Variants in ZBTB7C observed in about 807,000 individuals in gnomAD.
ZBTB7C encodes zinc finger and BTB domain-containing protein 7C.
Under a neutral mutation model 25.7 loss-of-function variants are expected in ZBTB7C, and 8 were observed. The ratio of observed to expected loss-of-function variants is 0.31; its 90% CI spans 0.18 to 0.56. The LOEUF is 0.56. Ranked by LOEUF, ZBTB7C falls within the 20% of genes least tolerant of loss-of-function variation. The probability of loss-of-function intolerance (pLI) is 0.91; values close to 1 mark genes in which losing one functional copy is unlikely to be tolerated. For missense variants in ZBTB7C, 824 were observed against 855.2 expected (o/e 0.96, Z 0.46); for synonymous variants, 394 against 369.0 (o/e 1.07, Z -0.78).
intron 1 of ZBTB7C, among the ~76,000 whole-genome samples, chr18:48,373,551 G>A (rs145280913): frequency 2.1e-3 from 316 of 152,326 alleles, no homozygotes; most frequent in African/African-American, 7.0e-3. Context: ...CCATGCTGGA[G>A]GTTGAGCCTG....
intron 1 of ZBTB7C, among the ~76,000 whole-genome samples, chr18:48,379,571 A>T (rs1028447051): frequency 6.6e-6 from 1 of 152,080 alleles, no homozygotes; most frequent in Non-Finnish European, 1.5e-5. Flanking sequence ...TTTTATCTTT[A>T]TCTAAGGTAT....
chr18:48,152,458 G>C (rs138824028), intron 3 of ZBTB7C, among the ~76,000 whole-genome samples: 2 of 152,292 alleles, frequency 1.3e-5, no homozygotes, highest in East Asian at 3.9e-4. Flanking sequence ...TCAGATAGAT[G>C]ATTGATGGAC....
intron 2 of ZBTB7C, among the ~76,000 whole-genome samples, chr18:48,236,793 A>T (rs573263309): frequency 1.3e-5 from 2 of 152,362 alleles, no homozygotes; most frequent in African/African-American, 2.4e-5. Context: ...TTCTTGATTG[A>T]AAAGTTTGGC....
intron 3 of ZBTB7C, among the ~76,000 whole-genome samples, chr18:48,076,629 G>A (rs1417272673): frequency 1.3e-5 from 2 of 152,216 alleles, no homozygotes; most frequent in East Asian, 3.8e-4. Context: ...AAGCAGAGAA[G>A]ATGCAAGAAC....
chr18:48,291,789 C>T (rs561819710), intron 2 of ZBTB7C, among the ~76,000 whole-genome samples: 33 of 152,238 alleles, frequency 2.2e-4, no homozygotes, highest in South Asian at 1.0e-3. Context: ...GTGAACACAG[C>T]AGTTAGGGGG....
chr18:48,246,098 T>C (rs1197312684), intron 2 of ZBTB7C, among the ~76,000 whole-genome samples: 3 of 152,156 alleles, frequency 2.0e-5, no homozygotes, highest in African/African-American at 7.2e-5. Context: ...AGTGTGTTTC[T>C]AGTGTGAATA....
intron 1 of ZBTB7C, among the ~76,000 whole-genome samples, chr18:48,355,164 A>C (rs2046949002): frequency 1.3e-5 from 2 of 152,190 alleles, no homozygotes; most frequent in African/African-American, 2.4e-5. Flanking sequence ...TCTGGTTTAT[A>C]ACATGAGCCT....
At chr18:48,376,622 C>T (rs1314636868) in intron 1 of ZBTB7C, among the ~76,000 whole-genome samples, 16 of 152,226 alleles carry the variant, frequency 1.1e-4, no homozygotes, top group Admixed American at 1.0e-3. Flanking sequence ...GACGGCAGAC[C>T]CCAGGGCCTG....
chr18:48,231,400 C>T (rs547806603), intron 2 of ZBTB7C, among the ~76,000 whole-genome samples: 1 of 152,154 alleles, frequency 6.6e-6, no homozygotes, highest in South Asian at 2.1e-4. Flanking sequence ...GAGGAGCTAC[C>T]CACTGTACTC....
intron 2 of ZBTB7C, among the ~76,000 whole-genome samples, chr18:48,321,201 G>A (rs1233747505): frequency 1.3e-5 from 2 of 152,198 alleles, no homozygotes; most frequent in Non-Finnish European, 2.9e-5. Flanking sequence ...TGCTCAGGTG[G>A]CCTGGTCTAG....
intron 3 of ZBTB7C, among the ~76,000 whole-genome samples, chr18:48,124,957 C>A (rs374524659): frequency 3.3e-5 from 5 of 152,156 alleles, no homozygotes; most frequent in African/African-American, 1.2e-4. Flanking sequence ...ACTGCTGAGC[C>A]ACACCCTCAG....
intron 3 of ZBTB7C, chr18:48,041,354 C>T (rs997092047): frequency 1.0e-6 from 1 of 985,468 alleles, no homozygotes; most frequent in East Asian, 1.1e-4. Context: ...TCTCACTGGG[C>T]AGCTGGTGTC....
intron 2 of ZBTB7C, among the ~76,000 whole-genome samples, chr18:48,220,340 G>A (rs533691442): frequency 6.6e-6 from 1 of 152,306 alleles, no homozygotes; most frequent in Non-Finnish European, 1.5e-5. Context: ...CTGGCACCTT[G>A]GATGGGAGCC....
chr18:48,367,346 G>T (rs1371141873), intron 1 of ZBTB7C, among the ~76,000 whole-genome samples: 1 of 81,056 alleles, frequency 1.2e-5, no homozygotes, highest in Admixed American at 1.0e-4. Context: ...ATATATGTGT[G>T]CATATATATA....
chr18:48,117,035 G>A (rs1206125573), intron 3 of ZBTB7C, among the ~76,000 whole-genome samples: 2 of 152,134 alleles, frequency 1.3e-5, no homozygotes, highest in South Asian at 2.1e-4. Flanking sequence ...TTACCTCTCC[G>A]GAGGTTCCAG....
chr18:48,117,916 GATGAGTT>G (rs1365571281), intron 3 of ZBTB7C, among the ~76,000 whole-genome samples: 2 of 150,716 alleles, frequency 1.3e-5, no homozygotes, highest in African/African-American at 4.9e-5. Context: ...TCGTGAAATT[GATGAGTT>G]AAAAAAAAAG....
At chr18:48,178,423 A>G (rs927556707) in intron 3 of ZBTB7C, among the ~76,000 whole-genome samples, 1 of 152,170 alleles carries the variant, frequency 6.6e-6, no homozygotes, top group Non-Finnish European at 1.5e-5. Context: ...TTCCAACTTC[A>G]TTTCATCTTT....
chr18:48,370,664 A>T (rs1337804701), intron 1 of ZBTB7C, among the ~76,000 whole-genome samples: 1 of 152,172 alleles, frequency 6.6e-6, no homozygotes, highest in African/African-American at 2.4e-5. Flanking sequence ...AATGAAAAAA[A>T]AATCCCTCCC....
At chr18:48,116,281 G>A (rs1211480728) in intron 3 of ZBTB7C, among the ~76,000 whole-genome samples, 1 of 152,124 alleles carries the variant, frequency 6.6e-6, no homozygotes, top group African/African-American at 2.4e-5. Flanking sequence ...GCTTCTTGGG[G>A]TGGCAATGAA....
Sources: allele counts gnomAD v4.1 joint callset (sites outside exome capture counted in the v4.1 genomes callset), GRCh38; gene constraint gnomAD v4.1.1; transcripts MANE v1.5; gene names NCBI Gene and HGNC (gene_info 2026-07-23, HGNC 2026-07-21).